The following ANKRD17 variants were observed in gnomAD, a reference collection of about 807,000 sequenced individuals.
The protein encoded by ANKRD17 is ankyrin repeat domain 17, also known as ankyrin repeat domain-containing protein 17.
A neutral mutation model predicts 229.7 loss-of-function variants in ANKRD17; 19 were observed. The observed-to-expected ratio is 0.08, with a 90% CI of 0.06 to 0.12. The LOEUF (loss-of-function observed/expected upper bound fraction) is 0.12. Ranked by LOEUF, ANKRD17 falls within the 10% of genes least tolerant of loss-of-function variation. The pLI, the probability that ANKRD17 is intolerant of heterozygous loss-of-function variation, is 1.00. For missense variants in ANKRD17, 2,176 were observed against 3,176.8 expected (o/e 0.68, Z 7.57); for synonymous variants, 1,112 against 1,146.1 (o/e 0.97, Z 0.60).
chr4:73,238,402 T>C (rs952844586), intron 1 of ANKRD17, among the ~76,000 whole-genome samples: 3 of 152,216 alleles, frequency 2.0e-5, no homozygotes, highest in Non-Finnish European at 4.4e-5. Context: ...CTACAAGGTA[T>C]GTATTTTGAT....
At chr4:73,120,653 C>A (rs1726608095) in intron 20 of ANKRD17, among the ~76,000 whole-genome samples, 1 of 151,624 alleles carries the variant, frequency 6.6e-6, no homozygotes, top group Non-Finnish European at 1.5e-5. Context: ...AATAGTCTCT[C>A]TTTTTCAGCT....
intron 1 of ANKRD17, among the ~76,000 whole-genome samples, chr4:73,182,026 C>T (rs142770131): frequency 0.029 from 3,242 of 111,086 alleles, 167 homozygotes; most frequent in African/African-American, 0.11. Context: ...CCAGCCTGGG[C>T]GACAGAGCAA....
chr4:73,082,156 T>TG (rs1429619537), intron 30 of ANKRD17, among the ~76,000 whole-genome samples: 1 of 129,068 alleles, frequency 7.7e-6, no homozygotes, highest in Admixed American at 8.0e-5. Flanking sequence ...TCTTTTTATT[T>TG]AAAAAAAAAA....
chr4:73,194,950 C>T (rs1269881897), intron 1 of ANKRD17, among the ~76,000 whole-genome samples: 4 of 151,874 alleles, frequency 2.6e-5, no homozygotes, highest in Non-Finnish European at 4.4e-5. Flanking sequence ...AGAATTGGTG[C>T]GTTTTTAAAA....
intron 7 of ANKRD17, 80 bp from the exon 8 acceptor site, chr4:73,149,130 T>C: frequency 8.8e-7 from 1 of 1,137,320 alleles, no homozygotes; most frequent in Non-Finnish European, 1.3e-6. Context: ...TCAATTACTA[T>C]ACAATGAAGT....
chr4:73,118,038 C>T (rs1216322607), intron 22 of ANKRD17, among the ~76,000 whole-genome samples: 4 of 151,590 alleles, frequency 2.6e-5, no homozygotes, highest in South Asian at 2.1e-4. Context: ...TTTTTTGAGA[C>T]GGGGTCGTAC....
chr4:73,241,003 G>C (rs1417984251), intron 1 of ANKRD17, among the ~76,000 whole-genome samples: 2 of 151,748 alleles, frequency 1.3e-5, no homozygotes, highest in African/African-American at 4.8e-5. Context: ...TAGAGACGGG[G>C]TTTCACCATG....
chr4:73,202,254 C>A (rs1214602924), intron 1 of ANKRD17, among the ~76,000 whole-genome samples: 4 of 146,484 alleles, frequency 2.7e-5, no homozygotes, highest in Non-Finnish European at 6.0e-5. Flanking sequence ...GAAGTCAGTC[C>A]TACTCCTTCC....
At chr4:73,236,299 G>A (rs1162075439) in intron 1 of ANKRD17, among the ~76,000 whole-genome samples, 1 of 152,090 alleles carries the variant, frequency 6.6e-6, no homozygotes, top group African/African-American at 2.4e-5. Flanking sequence ...AGGACTACCA[G>A]TACGTGCCAC....
In ANKRD17 at chr4:73,199,791, T is replaced by C. The variant is rs1013404500; in HGVS notation, c.394-22258A>G. Among the ~76,000 whole-genome samples, 4 of 152,316 alleles carry C rather than the reference T, an allele frequency of 2.6e-5. No homozygotes were observed. The South Asian group carries it at 6.2e-4, about 24-fold the overall frequency. Reference sequence around the variant, plus strand: ...ACTTCATCTGTCTTTTTGTTGTAGTTTGAACCAAGAACAGTGCAGGACACC... The same window carrying C: ...ACTTCATCTGTCTTTTTGTTGTAGTCTGAACCAAGAACAGTGCAGGACACC... On this transcript the variant is annotated intron_variant, in intron 1 of 33. Coordinates refer to ENST00000358602, the MANE Select transcript of ANKRD17 (RefSeq NM_032217.5).
intron 28 of ANKRD17, 49 bp downstream of exon 28, chr4:73,094,030 C>G: frequency 6.3e-7 from 1 of 1,574,950 alleles, no homozygotes; most frequent in Non-Finnish European, 8.7e-7. Context: ...TTTCATTAAG[C>G]TATAGTGCAA....
intron 1 of ANKRD17, among the ~76,000 whole-genome samples, chr4:73,252,909 A>G (rs1254751136): frequency 2.0e-5 from 3 of 152,144 alleles, no homozygotes; most frequent in Non-Finnish European, 4.4e-5. Context: ...TGGAAAGAAA[A>G]CTTGGGGTGA....
In ANKRD17 at chr4:73,183,744, G is replaced by A. The variant is rs553266464; in HGVS notation, c.394-6211C>T. The stretch of plus-strand genomic sequence containing the variant: ...TCTCAAAAGTGCTGGGATTACAGGC[G>A]TGAGCCACTTTTACCCGGTCTATAG... On this transcript the variant is annotated intron_variant, in intron 1 of 33. Coordinates refer to ENST00000358602, the MANE Select transcript of ANKRD17 (RefSeq NM_032217.5). Among the ~76,000 whole-genome samples, 7 of 152,222 alleles carry A rather than the reference G, an allele frequency of 4.6e-5. 1 individual carries two copies. The South Asian group carries it at 6.2e-4, about 14-fold the overall frequency.
intron 16 of ANKRD17, among the ~76,000 whole-genome samples, chr4:73,132,603 G>C (rs925307255): frequency 2.6e-5 from 4 of 152,028 alleles, no homozygotes; most frequent in African/African-American, 7.2e-5. Flanking sequence ...TGTGAGATCA[G>C]ATAAAAAAAG....
intron 1 of ANKRD17, among the ~76,000 whole-genome samples, chr4:73,218,913 T>C (rs1166451785): frequency 2.0e-5 from 3 of 151,978 alleles, no homozygotes; most frequent in Non-Finnish European, 4.4e-5. Flanking sequence ...ATACAAAAAT[T>C]AGCTGGGTGT....
chr4:73,126,629 T>G lies in ANKRD17; in HGVS notation c.3235-1317A>C, dbSNP rs532703380. 3.3e-5 allele frequency among the ~76,000 whole-genome samples: 5 copies of G among 152,368 alleles called. No homozygotes were observed. In the South Asian group the frequency reaches 1.0e-3, roughly 32 times the overall value. ...CTACATATGGTTTGCTTCTGCCTTC[T>G]GCTAATGATAATGACCAACATATTA... On this transcript the variant is annotated intron_variant, in intron 16 of 33. Coordinates refer to ENST00000358602, the MANE Select transcript of ANKRD17 (RefSeq NM_032217.5).
chr4:73,090,673 G>A lies in ANKRD17; in HGVS notation c.6955C>T (p.Pro2319Ser). ...TCAGAAAATATAAACTCACCTGAGG[G>A]ACTTGGAGCAGGTCTCTGTAATGGT... ...RPPLQRPAPS[P>S]SGIVNMDSPY... The change falls in exon 29 of 34, where the codon CCC (proline) becomes TCC (serine). Residue 2319 changes from proline (P) to serine (S), a missense_variant. Physicochemically the swap from Pro to Ser is moderately conservative, Grantham distance 74 (BLOSUM62 -1). Coordinates refer to ENST00000358602, the MANE Select transcript of ANKRD17 (RefSeq NM_032217.5). 2 of 1,614,162 alleles carry A rather than the reference G, an allele frequency of 1.2e-6. No homozygotes were observed. Among genetic ancestry groups the A allele is most frequent in the Non-Finnish European group, 1.7e-6 (2 of 1,180,020 alleles).
chr4:73,121,112 G>C lies in ANKRD17; in HGVS notation c.3636-18C>G. 1 of 1,593,292 alleles carries C rather than the reference G, an allele frequency of 6.3e-7. No homozygotes were observed. The highest frequency in any genetic ancestry group is 8.6e-7 in the Non-Finnish European group (1 of 1,161,636). ...TACCAGTTCTAGGGGTGCAGGTATG[G>C]GGAAAACAAATGGAAAAATATATAT... On this transcript the variant is annotated intron_variant, in intron 19 of 33. Coordinates refer to ENST00000358602, the MANE Select transcript of ANKRD17 (RefSeq NM_032217.5).
At chr4:73,193,455 C>T (rs1737407518) in intron 1 of ANKRD17, among the ~76,000 whole-genome samples, 1 of 152,210 alleles carries the variant, frequency 6.6e-6, no homozygotes, top group African/African-American at 2.4e-5. Context: ...CACCACTATA[C>T]ATTCCTACCT....
Sources: gnomAD v4.1 joint callset for allele counts (sites outside exome capture counted in the v4.1 genomes callset) on GRCh38, gnomAD v4.1.1 for gene constraint, MANE v1.5 for transcripts, NCBI Gene and HGNC (gene_info 2026-07-23, HGNC 2026-07-21) for gene names.